ABCA9: variants seen among roughly 807,000 people sequenced by gnomAD.
ABCA9 encodes ATP binding cassette subfamily A member 9, also known as ATP-binding cassette sub-family A member 9.
ABCA9 carries 183 observed loss-of-function variants against 205.3 expected under a neutral mutation model. That is an observed-to-expected ratio of 0.89 (90% CI 0.79 to 1.01). The LOEUF (loss-of-function observed/expected upper bound fraction) is 1.01. Among genes scored for constraint, ABCA9 ranks in the 50% least tolerant of loss-of-function variants. ABCA9 has a pLI of 0.00. For synonymous variants in ABCA9, 651 were observed against 683.3 expected, an observed-to-expected ratio of 0.95 and a Z score of 0.74; for missense variants, 1,805 against 1,912.4, an observed-to-expected ratio of 0.94 and a Z score of 1.05.
intron 22 of ABCA9, among the ~76,000 whole-genome samples, chr17:69,013,578 C>T (rs1038410582): frequency 6.6e-6 from 1 of 152,110 alleles, no homozygotes; most frequent in African/African-American, 2.4e-5. Context: ...CAACCAGCTT[C>T]CTTACTCATG....
intron 18 of ABCA9, chr17:69,020,918 C>G (rs2070787294): frequency 4.6e-6 from 1 of 216,084 alleles, no homozygotes; most frequent in South Asian, 7.6e-5. Flanking sequence ...GTATTTCTGA[C>G]CAAGGTAGGA....
At chr17:69,062,119 A>G (rs1169393768), upstream of ABCA9, among the ~76,000 whole-genome samples, 1 of 151,904 alleles carries the variant, frequency 6.6e-6, no homozygotes, top group Non-Finnish European at 1.5e-5. Context: ...GAACTCCTGA[A>G]TCCATGAGAC....
chr17:69,074,322 G>T, the ABCA9 span, among the ~76,000 whole-genome samples: 1 of 152,130 alleles, frequency 6.6e-6, no homozygotes, highest in Non-Finnish European at 1.5e-5. Flanking sequence ...TATATTGCAT[G>T]ATGCTGTGTT....
At chr17:69,013,763 C>T (rs2070473038) in intron 22 of ABCA9, among the ~76,000 whole-genome samples, 3 of 152,032 alleles carry the variant, frequency 2.0e-5, no homozygotes, top group Admixed American at 2.0e-4. Context: ...TGCTGTAGGA[C>T]ACTCCGATAG....
In ABCA9 at chr17:68,989,149, C is replaced by T. The variant is rs775852590; in HGVS notation, c.3956-31G>A. The T allele has an allele frequency of 2.2e-6, 3 of 1,381,242 alleles. No homozygotes were observed. In the South Asian group the frequency reaches 3.5e-5, roughly 16 times the overall value. The allele number at this position is 1,381,242 out of a possible 1,614,324, so 85.6% of individuals were successfully genotyped here. A position where few individuals can be genotyped will look rare whatever the true frequency, so the allele number is the denominator to read the frequency against. ...AGAAAGTGGTATGCTCAGAAATATA[C>T]AAATAATTGCAACAAAAATAAAAGC... On this transcript the variant is annotated intron_variant, in intron 30 of 38. Transcript: ENST00000340001.
In ABCA9 at chr17:69,027,003, A is replaced by T; in HGVS notation, c.2023T>A (p.Phe675Ile). 6.2e-7 allele frequency: 1 copy of T among 1,614,096 alleles called. No homozygotes were observed. Residue 675 changes from phenylalanine (F) to isoleucine (I), a missense_variant, in exon 15 of 39, where the codon TTT (phenylalanine) becomes ATT (isoleucine). By Grantham distance (21) the Phe-to-Ile change is conservative. Coordinates refer to ENST00000340001, the MANE Select transcript of ABCA9 (RefSeq NM_080283.4). ...SDRVILFSTQ[F>I]IDEADILADR... Reference sequence around the variant, plus strand: ...GCCAGAATGTCAGCCTCATCTATAAACTGGGTGCTGAAGAGAATTACTCTG... The same window carrying T: ...GCCAGAATGTCAGCCTCATCTATAATCTGGGTGCTGAAGAGAATTACTCTG...
At chr17:69,077,234 T>A in the ABCA9 span, among the ~76,000 whole-genome samples, 71 of 152,200 alleles carry the variant, frequency 4.7e-4, no homozygotes, top group African/African-American at 1.5e-3. Context: ...TTTCAAAAAA[T>A]TTTTTTTAAT....
chr17:69,030,644 C>T (rs1456934962), intron 10 of ABCA9, among the ~76,000 whole-genome samples: 1 of 152,160 alleles, frequency 6.6e-6, no homozygotes, highest in Non-Finnish European at 1.5e-5. Flanking sequence ...TCTTTTTAAA[C>T]TTCGTAGCCT....
chr17:69,044,341 C>A (rs772785434), intron 5 of ABCA9, among the ~76,000 whole-genome samples, 156 bp downstream of exon 5: 3 of 152,028 alleles, frequency 2.0e-5, no homozygotes, highest in Non-Finnish European at 2.9e-5. Flanking sequence ...TTTTCTGATC[C>A]CCAGTACTTA....
chr17:69,074,787 T>C, the ABCA9 span, among the ~76,000 whole-genome samples: 1 of 152,144 alleles, frequency 6.6e-6, no homozygotes, highest in Non-Finnish European at 1.5e-5. Flanking sequence ...TTTCCTTTGG[T>C]TATATACCCA....
Position 69,027,040 on chromosome 17 carries a change from C to G in ABCA9, c.1986G>C (p.Glu662Asp), listed in dbSNP as rs1399848052. 1.2e-6 allele frequency: 2 copies of G among 1,614,052 alleles called. No homozygotes were observed. Among genetic ancestry groups the G allele is most frequent in the Non-Finnish European group, 1.7e-6 (2 of 1,180,020 alleles). The change falls in exon 15 of 39, where the codon GAG becomes GAC. Residue 662 changes from glutamate (E) to aspartate (D), a missense_variant. Coordinates refer to ENST00000340001, the MANE Select transcript of ABCA9 (RefSeq NM_080283.4). Reference protein sequence around the residue: ...SRHRIWNLLKEGKSDRVILFS... With the variant: ...SRHRIWNLLKDGKSDRVILFS... ...AGAGAATTACTCTGTCTGATTTCCC[C>G]TCTTTCAGGAGATTCCATATTCGGT...
intron 30 of ABCA9, 46 bp downstream of exon 30, chr17:68,989,767 T>G: frequency 8.9e-7 from 1 of 1,118,946 alleles, no homozygotes; most frequent in Non-Finnish European, 1.3e-6. Flanking sequence ...AATAATCCAG[T>G]CTTCAGATTC....
chr17:69,027,133 C>G lies in ABCA9; in HGVS notation c.1912-19G>C. The G allele has an allele frequency of 6.2e-7, 1 of 1,611,832 alleles. No homozygotes were observed. The highest frequency in any genetic ancestry group is 8.5e-7 in the Non-Finnish European group (1 of 1,179,418). On this transcript the variant is annotated intron_variant, in intron 14 of 38. Coordinates refer to ENST00000340001, the MANE Select transcript of ABCA9 (RefSeq NM_080283.4). The stretch of plus-strand genomic sequence containing the variant: ...GCAAAACCTGGACAGGAGGAAAGTC[C>G]TAAAGTAATTCCACCCTTTCGGATA...
At chr17:69,034,007 T>C in intron 8 of ABCA9, 134 bp from the exon 9 acceptor site, 1 of 691,246 alleles carries the variant, frequency 1.4e-6, no homozygotes, top group East Asian at 2.8e-5. Context: ...CTCTGTCTAC[T>C]ATTATAGAAG....
chr17:69,051,648 T>A (rs1819338165), intron 1 of ABCA9: 1 of 153,004 alleles, frequency 6.5e-6, no homozygotes, highest in Non-Finnish European at 1.5e-5. Context: ...TGTGGCATGG[T>A]GTTAATAAAA....
At chr17:68,998,332 C>T (rs1468208535) in intron 25 of ABCA9, among the ~76,000 whole-genome samples, 1 of 152,146 alleles carries the variant, frequency 6.6e-6, no homozygotes, top group African/African-American at 2.4e-5. Flanking sequence ...TTATGTCTGA[C>T]CTTTCCTAGA....
chr17:69,016,123 T>TACACAC (rs145740691), intron 22 of ABCA9, 130 bp downstream of exon 22: 2 of 106,854 alleles, frequency 1.9e-5, no homozygotes, highest in African/African-American at 3.0e-5. Flanking sequence ...TATATATATA[T>TACACAC]ACACACACAC....
chr17:69,017,622 T>G, intron 21 of ABCA9, 34 bp downstream of exon 21: 1 of 1,610,890 alleles, frequency 6.2e-7, no homozygotes, highest in Non-Finnish European at 8.5e-7. Context: ...ATAGTCCACC[T>G]TTGGTGAAAT....
At chr17:69,014,210 CTT>C (rs1598373162) in intron 22 of ABCA9, among the ~76,000 whole-genome samples, 1 of 152,132 alleles carries the variant, frequency 6.6e-6, no homozygotes, top group Non-Finnish European at 1.5e-5. Context: ...ATTCAAAACT[CTT>C]TGAGTGCCAA....
Sources: allele counts gnomAD v4.1 joint callset (sites outside exome capture counted in the v4.1 genomes callset), GRCh38; gene constraint gnomAD v4.1.1; transcripts MANE v1.5; gene names NCBI Gene and HGNC (gene_info 2026-07-23, HGNC 2026-07-21).